The following SSX1 variants were observed in gnomAD, a reference collection of about 807,000 sequenced individuals.
The protein encoded by SSX1 is SSX family member 1.
Under a neutral mutation model 14.6 loss-of-function variants are expected in SSX1, and 58 were observed. The observed-to-expected ratio is 3.96, with a 90% CI of 3.21 to 4.93. The LOEUF (loss-of-function observed/expected upper bound fraction) is 4.93. Ranked by LOEUF, SSX1 falls within the 30% of genes most tolerant of loss-of-function variation. The pLI is 0.00. For synonymous variants in SSX1, 46 were observed against 52.1 expected, an observed-to-expected ratio of 0.88 and a Z score of 0.50; for missense variants, 272 against 143.1, an observed-to-expected ratio of 1.90 and a Z score of -4.60.
intron 1 of SSX1, among the ~76,000 whole-genome samples, chrX:48,255,895 T>C (rs1385915011): frequency 1.1e-5 from 1 of 92,298 alleles, no homozygotes; most frequent in Non-Finnish European, 2.2e-5. Context: ...CTGCCCATGC[T>C]TTTTTTTTTT....
chrX:48,258,195 T>C lies in SSX1; in HGVS notation c.184+335T>C, dbSNP rs1240634559. Among the ~76,000 whole-genome samples the C allele has an allele frequency of 5.7e-3, 522 of 91,039 alleles. 7 individuals carry two copies. Among genetic ancestry groups the C allele is most frequent in the African/African-American group, 0.02 (488 of 24,757 alleles). The allele number at this position is 91,039 out of a possible 115,157, so 79.1% of individuals were successfully genotyped here. A position where few individuals can be genotyped will look rare whatever the true frequency, so the allele number is the denominator to read the frequency against. On this transcript the variant is annotated intron_variant, in intron 3 of 7. Transcript: ENST00000376919. ...TTTCTCTCTCTCTCCCTTTTTTTTT[T>C]TTTTTTTTTTTTTTGAGTCAGAGTC...
intron 1 of SSX1, among the ~76,000 whole-genome samples, chrX:48,256,469 T>G (rs1468130502): frequency 2.5e-5 from 2 of 81,508 alleles, no homozygotes; most frequent in Non-Finnish European, 4.8e-5. Context: ...TTTTTTTTTT[T>G]TTTTTTTTTT....
At chrX:48,265,748 C>T (rs1315265193) in intron 6 of SSX1, among the ~76,000 whole-genome samples, 3 of 111,605 alleles carry the variant, frequency 2.7e-5, no homozygotes, top group African/African-American at 9.8e-5. Flanking sequence ...ATCAAAATAT[C>T]TCACGTACCC....
At chrX:48,263,669 C>T in intron 5 of SSX1, 113 bp from the exon 6 acceptor site, 1 of 1,040,017 alleles carries the variant, frequency 9.6e-7, no homozygotes, top group South Asian at 2.1e-5. Context: ...GTAACTCTCC[C>T]CGCGTTGTTG....
intron 5 of SSX1, among the ~76,000 whole-genome samples, chrX:48,262,428 T>A (rs1454138266): frequency 8.9e-6 from 1 of 112,081 alleles, no homozygotes; most frequent in African/African-American, 3.2e-5. Flanking sequence ...GGCCTACTGG[T>A]GCTTCCATTG....
chrX:48,258,417 A>C (rs1556934887), intron 3 of SSX1, 119 bp from the exon 4 acceptor site: 9 of 544,857 alleles, frequency 1.7e-5, no homozygotes, highest in Non-Finnish European at 2.9e-5. Flanking sequence ...TCATCTTGAA[A>C]TCCTGGCCTC....
In SSX1 at chrX:48,258,634, G is replaced by C. The variant is rs782793205; in HGVS notation, c.280+3G>C. The C allele has an allele frequency of 5.1e-6, 6 of 1,184,068 alleles. No individual in the cohort carries two copies. The South Asian group carries it at 9.0e-5, about 18-fold the overall frequency. On this transcript the variant is annotated splice_donor_region_variant and intron_variant, in intron 4 of 7. Coordinates refer to ENST00000376919, the MANE Select transcript of SSX1 (RefSeq NM_005635.4). ...TGACCATAACCGCAGGATTCAGGGT[G>C]AGTAGATGGGAAGTGGCTGGAAAGG... is the stretch of plus-strand genomic sequence containing the variant.
In SSX1 at chrX:48,263,872, C is replaced by G; in HGVS notation, c.421C>G (p.Pro141Ala). ...GPQNDGKQLHPPGKANISEKI... is the reference protein window; with the variant it reads ...GPQNDGKQLHAPGKANISEKI... ...ACAAAACGATGGGAAACAACTGCAC[C>G]CCCCAGGAAAAGCAAATATTTCTGA... is the stretch of plus-strand genomic sequence containing the variant. The change falls in exon 6 of 8, where the codon CCC (proline) becomes GCC (alanine). Residue 141 changes from proline (P) to alanine (A), a missense_variant. Physicochemically the swap from Pro to Ala is conservative, Grantham distance 27 (BLOSUM62 -1). Transcript: ENST00000376919. The G allele has an allele frequency of 1.7e-6, 2 of 1,211,024 alleles. No individual in the cohort carries two copies. The highest frequency in any genetic ancestry group is 2.2e-6 in the Non-Finnish European group (2 of 895,214).
At position 48,257,794 on chromosome X, in the gene SSX1, A is replaced by G. The variant is rs782057914; in HGVS notation, c.118A>G (p.Met40Val). The change falls in exon 3 of 8, where the codon ATG (methionine) becomes GTG (valine). Residue 40 changes from methionine to valine, a missense_variant. Transcript: ENST00000376919. ...TYFSKKEWKK[M>V]KYSEKISYVY... ...CTTCTCTAAGAAAGAGTGGAAAAAG[A>G]TGAAATACTCGGAGAAAATCAGCTA... is the stretch of plus-strand genomic sequence containing the variant. 18 of 1,206,451 alleles carry G rather than the reference A, an allele frequency of 1.5e-5. No homozygotes were observed. The Admixed American group carries it at 2.6e-4, about 18-fold the overall frequency.
At position 48,257,247 on chromosome X, in the gene SSX1, C is replaced by T. The variant is rs781970984; in HGVS notation, c.6C>T (p.Asn2=). Residue 2 remains asparagine (N), a synonymous_variant, in exon 2 of 8, where the codon AAC becomes AAT. Transcript: ENST00000376919. The stretch of plus-strand genomic sequence containing the variant: ...GTGAGACTGCTCCTGGTGCCATGAA[C>T]GGAGACGACACCTTTGCAAAGAGAC... M[N]GDDTFAKRPR... is the part of the protein sequence containing the mutation. The T allele has an allele frequency of 1.1e-4, 129 of 1,208,991 alleles. 1 individual carries two copies. The highest frequency in any genetic ancestry group is 2.1e-4 in the East Asian group (7 of 33,747).
chrX:48,264,081 G>T (rs1315129348), intron 6 of SSX1, among the ~76,000 whole-genome samples, 164 bp downstream of exon 6: 2 of 112,030 alleles, frequency 1.8e-5, no homozygotes. Context: ...CAGAGATGCA[G>T]ACTGGAGTTG....
rs1223190288 is a variant in SSX1 at position 48,263,793 on chromosome X, G to T, written c.342G>T (p.Lys114Asn). ...TTCACATTATAAAGATCATGCCCAA[G>T]AAGCCAGCAGAGGACGAAAATGATT... ...LHRIIPKIMP[K>N]KPAEDENDSK... Residue 114 changes from lysine to asparagine, a missense_variant, in exon 6 of 8, where the codon AAG becomes AAT. By Grantham distance (94) the Lys-to-Asn change is moderately conservative. Transcript: ENST00000376919. 8.3e-7 allele frequency: 1 copy of T among 1,211,521 alleles called. No individual in the cohort carries two copies. Among genetic ancestry groups the T allele is most frequent in the Non-Finnish European group, 1.1e-6 (1 of 895,389 alleles).
At chrX:48,261,275 A>C (rs1415703800) in intron 4 of SSX1, among the ~76,000 whole-genome samples, 1 of 112,006 alleles carries the variant, frequency 8.9e-6, no homozygotes, top group Non-Finnish European at 1.9e-5. Flanking sequence ...CTGAAACTCC[A>C]GTGCTTGAGT....
chrX:48,259,184 A>G (rs2059595015), intron 4 of SSX1, among the ~76,000 whole-genome samples: 1 of 110,555 alleles, frequency 9.0e-6, no homozygotes, highest in African/African-American at 3.3e-5. Flanking sequence ...TTTAGTAGAG[A>G]TGGGGTTTCA....
chrX:48,266,633 G>A (rs1556936527), intron 7 of SSX1, among the ~76,000 whole-genome samples: 1 of 111,616 alleles, frequency 9.0e-6, no homozygotes, highest in Non-Finnish European at 1.9e-5. Flanking sequence ...CCTGATATGT[G>A]GCCACACCTT....
intron 6 of SSX1, among the ~76,000 whole-genome samples, chrX:48,266,055 T>G (rs1311212907): frequency 1.8e-5 from 2 of 111,967 alleles, no homozygotes; most frequent in Admixed American, 9.5e-5. Context: ...AAGAGGTTGG[T>G]AATCTAAACG....
At chrX:48,262,286 G>A in intron 5 of SSX1, among the ~76,000 whole-genome samples, 1 of 112,249 alleles carries the variant, frequency 8.9e-6, no homozygotes, top group Non-Finnish European at 1.9e-5. Context: ...GGGGTACAGA[G>A]ATGTTAAAGA....
intron 6 of SSX1, among the ~76,000 whole-genome samples, chrX:48,264,800 A>T (rs5906615): frequency 0.014 from 1,569 of 112,751 alleles, 28 homozygotes; most frequent in African/African-American, 0.047. Context: ...GATGGCATCT[A>T]CTTCCGATAA....
Position 48,266,839 on chromosome X carries a change from C to T in SSX1, c.*5-15C>T, listed in dbSNP as rs782635288. On this transcript the variant is annotated splice_polypyrimidine_tract_variant and intron_variant, in intron 7 of 7. Coordinates refer to ENST00000376919, the MANE Select transcript of SSX1 (RefSeq NM_005635.4). ...ACTCGCTGTCACTTACTTTCCTTCC[C>T]TCTTCTCGCCTCAGCCTGGGGGATA... 7.0e-6 allele frequency: 7 copies of T among 1,001,908 alleles called. No homozygotes were observed. In the East Asian group the frequency reaches 2.1e-4, roughly 31 times the overall value. 82.6% of individuals were successfully genotyped at this position (1,001,908 alleles called of 1,213,427 possible).
Sources: gnomAD v4.1 joint callset for allele counts (sites outside exome capture counted in the v4.1 genomes callset) on GRCh38, gnomAD v4.1.1 for gene constraint, MANE v1.5 for transcripts, NCBI Gene and HGNC (gene_info 2026-07-23, HGNC 2026-07-21) for gene names.